MCF2: variants seen among roughly 807,000 people sequenced by gnomAD.
The protein encoded by MCF2 is MCF.2 cell line derived transforming sequence.
A neutral mutation model predicts 82.5 loss-of-function variants in MCF2; 44 were observed. The ratio of observed to expected loss-of-function variants is 0.53; its 90% CI spans 0.42 to 0.69. The LOEUF (loss-of-function observed/expected upper bound fraction) is 0.69, where lower values mean the gene tolerates loss of function less well. MCF2 is among the 30% of genes least tolerant of loss of function. The pLI is 0.00. For synonymous variants in MCF2, 217 were observed against 224.9 expected (o/e 0.96, Z 0.32); for missense variants, 623 against 663.1 (o/e 0.94, Z 0.66).
intron 1 of MCF2, among the ~76,000 whole-genome samples, chrX:139,637,860 G>A (rs1328521835): frequency 1.8e-5 from 2 of 111,496 alleles, no homozygotes; most frequent in African/African-American, 3.3e-5. Flanking sequence ...TGGTGGGACC[G>A]ATGTAATCAT....
rs138489994 is a variant in MCF2, at chrX:139,703,083, T to C, written c.-45+5023A>G. 1.3e-3 allele frequency among the ~76,000 whole-genome samples: 145 copies of C among 112,201 alleles called. 1 individual carries two copies. Among genetic ancestry groups the C allele is most frequent in the African/African-American group, 4.4e-3 (136 of 30,914 alleles). On this transcript the variant is annotated intron_variant, in intron 1 of 27. Coordinates refer to the MCF2 transcript ENST00000414978. Reference sequence around the variant, plus strand: ...CAAATTATCCAATCTTCAGAACTTCTTGTAAGGTTGCATGAGGCTTCTGTC... The same window carrying C: ...CAAATTATCCAATCTTCAGAACTTCCTGTAAGGTTGCATGAGGCTTCTGTC...
chrX:139,701,933 A>C (rs998377610), intron 1 of MCF2, among the ~76,000 whole-genome samples: 8 of 111,839 alleles, frequency 7.2e-5, no homozygotes, highest in African/African-American at 2.6e-4. Flanking sequence ...AACCTTGTAC[A>C]CTTTGCTCCA....
chrX:139,605,058 G>T, intron 13 of MCF2, 74 bp from the exon 18 acceptor site: 1 of 442,349 alleles, frequency 2.3e-6, no homozygotes, highest in Non-Finnish European at 3.7e-6. Context: ...AATGGTGTAG[G>T]TACAGCAGAA....
At chrX:139,588,759 C>CTAA (rs1491286529) in intron 20 of MCF2, among the ~76,000 whole-genome samples, 194 of 104,034 alleles carry the variant, frequency 1.9e-3, no homozygotes, top group African/African-American at 6.2e-3. Context: ...ACTACTACTA[C>CTAA]TACTAATAAT....
At chrX:139,598,075 A>T (rs749328110) in intron 17 of MCF2, among the ~76,000 whole-genome samples, 5 of 112,346 alleles carry the variant, frequency 4.5e-5, no homozygotes, top group Non-Finnish European at 9.4e-5. Flanking sequence ...TATGAAATGC[A>T]GCCTCAAAAC....
chrX:139,614,842 A>T (rs761449288), intron 10 of MCF2, 39 bp downstream of exon 13: 3 of 1,131,961 alleles, frequency 2.7e-6, no homozygotes, highest in East Asian at 6.0e-5. Context: ...TATAAACAAT[A>T]GCAAGAAAAA....
intron 4 of MCF2, 113 bp from the exon 8 acceptor site, chrX:139,626,869 T>G: frequency 1.6e-6 from 1 of 625,670 alleles, no homozygotes; most frequent in Non-Finnish European, 2.4e-6. Context: ...AATTCTAGAA[T>G]GGCCTTTGCT....
chrX:139,694,087 G>C (rs1322493982), intron 1 of MCF2, among the ~76,000 whole-genome samples: 4 of 111,828 alleles, frequency 3.6e-5, no homozygotes, highest in Non-Finnish European at 7.5e-5. Flanking sequence ...GAAATCTCAT[G>C]TTTTTTGCCC....
chrX:139,600,693 C>A (rs1287456533), intron 16 of MCF2, among the ~76,000 whole-genome samples: 1 of 111,586 alleles, frequency 9.0e-6, no homozygotes, highest in Non-Finnish European at 1.9e-5. Flanking sequence ...AAGCAAATAG[C>A]TTGAGACAAA....
chrX:139,621,485 CT>C (rs1217808365), intron 6 of MCF2, among the ~76,000 whole-genome samples: 2 of 111,267 alleles, frequency 1.8e-5, no homozygotes, highest in African/African-American at 6.5e-5. Flanking sequence ...CTGTAAGGAA[CT>C]TAAACAATTC....
At chrX:139,637,748 T>C (rs1448078957) in intron 1 of MCF2, among the ~76,000 whole-genome samples, 1 of 111,773 alleles carries the variant, frequency 8.9e-6, no homozygotes, top group Non-Finnish European at 1.9e-5. Context: ...GATGTCTACA[T>C]CCTAATCCCT....
intron 8 of MCF2, 55 bp from the exon 12 acceptor site, chrX:139,616,528 A>C: frequency 1.3e-6 from 1 of 761,401 alleles, no homozygotes; most frequent in Non-Finnish European, 1.8e-6. Context: ...AAGAGAAAAC[A>C]TATTTGTCCA....
At position 139,607,700 on chromosome X, in the gene MCF2, A is replaced by G. The variant is rs775477554; in HGVS notation, c.1481T>C (p.Val494Ala). The G allele has an allele frequency of 2.1e-5, 25 of 1,187,297 alleles. No homozygotes were observed. Among genetic ancestry groups the G allele is most frequent in the Middle Eastern group, 4.6e-4 (2 of 4,302 alleles). Residue 494 changes from valine to alanine, a missense_variant, in exon 12 of 25, where the codon GTT becomes GCT. Val to Ala is a moderately conservative substitution (Grantham distance 64, BLOSUM62 0). Transcript: ENST00000370576. ...AATAAATAAAGGATACTTCTTTAAA[A>G]CATCCAAGCTATTGCCATTGTCCAA...
intron 1 of MCF2, among the ~76,000 whole-genome samples, chrX:139,687,302 G>A: frequency 8.9e-6 from 1 of 112,830 alleles, no homozygotes; most frequent in Non-Finnish European, 1.9e-5. Flanking sequence ...TCTTACATCT[G>A]CCATAAACAT....
At chrX:139,637,522 G>A (rs1933301316) in intron 1 of MCF2, among the ~76,000 whole-genome samples, 1 of 111,304 alleles carries the variant, frequency 9.0e-6, no homozygotes, top group Non-Finnish European at 1.9e-5. Flanking sequence ...GTATATTTAT[G>A]TATATTTATA....
At chrX:139,619,118 G>C (rs1932143311) in intron 7 of MCF2, among the ~76,000 whole-genome samples, 2 of 110,933 alleles carry the variant, frequency 1.8e-5, no homozygotes. Context: ...TCATTTCCAA[G>C]CACCATATAT....
chrX:139,650,586 T>C (rs1306875097), intron 2 of MCF2, among the ~76,000 whole-genome samples: 1 of 112,150 alleles, frequency 8.9e-6, no homozygotes, highest in African/African-American at 3.2e-5. Context: ...CTGTTTAATA[T>C]GCTAAATGTA....
chrX:139,622,952 A>G (rs1932515228), intron 6 of MCF2, among the ~76,000 whole-genome samples: 1 of 111,746 alleles, frequency 8.9e-6, no homozygotes, highest in Non-Finnish European at 1.9e-5. Flanking sequence ...ATACTTCTCA[A>G]AAGAAGACAT....
chrX:139,671,663 A>G (rs751216895), intron 1 of MCF2, among the ~76,000 whole-genome samples: 1 of 111,060 alleles, frequency 9.0e-6, no homozygotes, highest in Non-Finnish European at 1.9e-5. Context: ...GTTCTGTTCC[A>G]TTGGTCTATA....
Sources: allele counts gnomAD v4.1 joint callset (sites outside exome capture counted in the v4.1 genomes callset), GRCh38; gene constraint gnomAD v4.1.1; transcripts MANE v1.5; gene names NCBI Gene and HGNC (gene_info 2026-07-23, HGNC 2026-07-21).